TMEM232: variants seen among roughly 807,000 people sequenced by gnomAD.
The protein encoded by TMEM232 is transmembrane protein 232.
Under a neutral mutation model 78.8 loss-of-function variants are expected in TMEM232, and 80 were observed. The observed-to-expected ratio is 1.01, with a 90% confidence interval of 0.85 to 1.22. The LOEUF (loss-of-function observed/expected upper bound fraction) is 1.22. Ranked by LOEUF, TMEM232 falls within the 50% of genes most tolerant of loss-of-function variation. The pLI, the probability that TMEM232 is intolerant of heterozygous loss-of-function variation, is 0.00. For missense variants in TMEM232, 881 were observed against 742.2 expected, an observed-to-expected ratio of 1.19 and a Z score of -2.17; for synonymous variants, 297 against 254.3, an observed-to-expected ratio of 1.17 and a Z score of -1.60.
upstream of TMEM232, among the ~76,000 whole-genome samples, chr5:110,729,430 G>A (rs968829092): frequency 2.6e-5 from 4 of 152,118 alleles, no homozygotes; most frequent in East Asian, 3.9e-4. Context: ...AGACTCGGAT[G>A]TTAGACATTT....
chr5:110,641,128 A>G (rs756555353), intron 3 of TMEM232, 132 bp from the exon 4 acceptor site: 57 of 506,088 alleles, frequency 1.1e-4, no homozygotes, highest in Non-Finnish European at 1.6e-4. Context: ...GTTGTATACA[A>G]TTTTATATTT....
intron 1 of TMEM232, among the ~76,000 whole-genome samples, chr5:110,672,065 T>C (rs1335482957): frequency 6.6e-6 from 1 of 152,062 alleles, no homozygotes; most frequent in African/African-American, 2.4e-5. Context: ...TGAAGGGAAA[T>C]TGAAGGCTAA....
chr5:110,501,150 T>G (rs907696998), intron 12 of TMEM232, among the ~76,000 whole-genome samples: 2 of 152,156 alleles, frequency 1.3e-5, no homozygotes, highest in African/African-American at 4.8e-5. Context: ...GTGTAACAAG[T>G]GGTCCAAACA....
intron 11 of TMEM232, among the ~76,000 whole-genome samples, chr5:110,542,749 T>G (rs1403075993): frequency 6.6e-6 from 1 of 152,034 alleles, no homozygotes; most frequent in East Asian, 1.9e-4. Context: ...AAACCCCAAC[T>G]TCTCATGCCC....
chr5:110,564,331 T>G (rs886836329), intron 11 of TMEM232, among the ~76,000 whole-genome samples: 1 of 151,978 alleles, frequency 6.6e-6, no homozygotes, highest in Non-Finnish European at 1.5e-5. Flanking sequence ...GGATGCCATA[T>G]GGATAAAGCA....
chr5:110,653,633 G>A (rs1179295128), intron 2 of TMEM232, among the ~76,000 whole-genome samples: 2 of 152,068 alleles, frequency 1.3e-5, no homozygotes, highest in African/African-American at 2.4e-5. Context: ...AAATCAATAG[G>A]GCATGATGAA....
chr5:110,420,838 T>C, intron 13 of TMEM232, 82 bp from the exon 14 acceptor site: 1 of 1,448,882 alleles, frequency 6.9e-7, no homozygotes, highest in Non-Finnish European at 9.0e-7. Context: ...TGCAGATTCT[T>C]ATATCCAATT....
rs1478286559 is a variant in TMEM232, at chr5:110,712,923, A to C, written c.-13+13704T>G. ...TAACTGCTGTGTATATACCCCAAAGAAGGGAAATTAGTATATCAAAAAGAT... is the reference window on the plus strand; with the variant it reads ...TAACTGCTGTGTATATACCCCAAAGCAGGGAAATTAGTATATCAAAAAGAT... On this transcript the variant is annotated intron_variant, in intron 1 of 13. Transcript: ENST00000455884. Among the ~76,000 whole-genome samples, 13 of 152,296 alleles carry C rather than the reference A, an allele frequency of 8.5e-5. 2 individuals are homozygous for C. Among genetic ancestry groups the C allele is most frequent in the East Asian group, 5.8e-4 (3 of 5,182 alleles).
At chr5:110,547,162 A>AT (rs2149598906) in intron 11 of TMEM232, among the ~76,000 whole-genome samples, 1 of 152,236 alleles carries the variant, frequency 6.6e-6, no homozygotes, top group African/African-American at 2.4e-5. Context: ...AAAGGTGATC[A>AT]TTTTGTCTTG....
At chr5:110,711,956 A>G (rs530843726) in intron 1 of TMEM232, among the ~76,000 whole-genome samples, 2 of 151,930 alleles carry the variant, frequency 1.3e-5, no homozygotes, top group African/African-American at 4.8e-5. Context: ...AATACAAAAA[A>G]TTAGCCAGGC....
intron 12 of TMEM232, among the ~76,000 whole-genome samples, chr5:110,468,070 A>G (rs1344183703): frequency 2.0e-5 from 3 of 152,168 alleles, no homozygotes; most frequent in African/African-American, 7.2e-5. Context: ...GGGGAACACA[A>G]TTCAACCCAC....
chr5:110,658,247 T>A (rs1485267098), intron 2 of TMEM232, among the ~76,000 whole-genome samples: 1 of 152,174 alleles, frequency 6.6e-6, no homozygotes, highest in Non-Finnish European at 1.5e-5. Flanking sequence ...TACAGCATCA[T>A]CACATTATAG....
chr5:110,496,647 T>C (rs1765675983), intron 12 of TMEM232, among the ~76,000 whole-genome samples: 1 of 152,006 alleles, frequency 6.6e-6, no homozygotes, highest in Non-Finnish European at 1.5e-5. Flanking sequence ...ATAACCAGGA[T>C]ACCTCTTTGT....
intron 12 of TMEM232, among the ~76,000 whole-genome samples, chr5:110,496,712 CAG>C (rs1276361844): frequency 1.3e-5 from 2 of 151,880 alleles, no homozygotes; most frequent in African/African-American, 4.8e-5. Flanking sequence ...TTGGAAACAA[CAG>C]AGTTAGGCTG....
chr5:110,414,245 T>TAC (rs1377154833), intron 2 of TMEM232, among the ~76,000 whole-genome samples: 3 of 152,224 alleles, frequency 2.0e-5, no homozygotes, highest in African/African-American at 4.8e-5. Flanking sequence ...TTGCTTGTTT[T>TAC]ACACACACAC....
At chr5:110,523,984 G>GGGGGGGGC (rs1561621849) in intron 12 of TMEM232, among the ~76,000 whole-genome samples, 1 of 82,948 alleles carries the variant, frequency 1.2e-5, no homozygotes, top group Non-Finnish European at 2.2e-5. Flanking sequence ...GGGCGGGGGG[G>GGGGGGGGC]CTGGGCCTGG....
chr5:110,393,857 CTG>C (rs1755291541), intron 3 of TMEM232, among the ~76,000 whole-genome samples: 1 of 150,256 alleles, frequency 6.7e-6, no homozygotes, highest in Admixed American at 6.7e-5. Flanking sequence ...ACTTGGGACA[CTG>C]AGGCAGAAGA....
At chr5:110,620,575 ATATCTCTCTCTCTC>A (rs1783507405) in intron 7 of TMEM232, among the ~76,000 whole-genome samples, 2 of 65,134 alleles carry the variant, frequency 3.1e-5, no homozygotes, top group African/African-American at 6.2e-5. Context: ...TATGTCTCTC[ATATCTCTCTCTCTC>A]TCTCTCTCTC....
At chr5:110,547,431 G>A (rs1271916959) in intron 11 of TMEM232, among the ~76,000 whole-genome samples, 1 of 152,076 alleles carries the variant, frequency 6.6e-6, no homozygotes, top group Non-Finnish European at 1.5e-5. Flanking sequence ...AATCACTTTA[G>A]CCTTTTGAAT....
Sources: gnomAD v4.1 joint callset for allele counts (sites outside exome capture counted in the v4.1 genomes callset) on GRCh38, gnomAD v4.1.1 for gene constraint, MANE v1.5 for transcripts, NCBI Gene and HGNC (gene_info 2026-07-23, HGNC 2026-07-21) for gene names.